The following CWC27 variants were observed in gnomAD, a reference collection of about 807,000 sequenced individuals.
CWC27 encodes the protein spliceosome-associated protein CWC27 homolog.
Under a neutral mutation model 63.6 loss-of-function variants are expected in CWC27, and 47 were observed. That is an observed-to-expected ratio of 0.74 (90% confidence interval 0.58 to 0.94). CWC27 has a LOEUF of 0.94. Among genes scored for constraint, CWC27 ranks in the 40% least tolerant of loss-of-function variants. The probability of loss-of-function intolerance (pLI) is 0.00; values close to 1 mark genes in which losing one functional copy is unlikely to be tolerated. For synonymous variants in CWC27, 175 were observed against 179.8 expected, an observed-to-expected ratio of 0.97 and a Z score of 0.22; for missense variants, 495 against 554.3, an observed-to-expected ratio of 0.89 and a Z score of 1.07.
chr5:64,907,996 C>A (rs1747694904), intron 11 of CWC27, among the ~76,000 whole-genome samples: 1 of 152,176 alleles, frequency 6.6e-6, no homozygotes, highest in African/African-American at 2.4e-5. Context: ...GATTTTAGAT[C>A]TTTCCTGCTT....
chr5:64,794,264 G>T (rs1744179946), intron 7 of CWC27, among the ~76,000 whole-genome samples: 1 of 152,092 alleles, frequency 6.6e-6, no homozygotes, highest in African/African-American at 2.4e-5. Flanking sequence ...AATGTGATCT[G>T]GGAGATAGTA....
chr5:64,919,959 G>T (rs920086115), intron 11 of CWC27, among the ~76,000 whole-genome samples: 1 of 152,136 alleles, frequency 6.6e-6, no homozygotes, highest in Admixed American at 6.6e-5. Context: ...TTGTAGTTCT[G>T]TTTTAAGTTC....
chr5:64,860,287 A>T (rs1746365556), intron 10 of CWC27, among the ~76,000 whole-genome samples: 1 of 152,244 alleles, frequency 6.6e-6, no homozygotes, highest in Admixed American at 6.5e-5. Context: ...ATTTTTAAAT[A>T]TATTGAAAAC....
intron 11 of CWC27, among the ~76,000 whole-genome samples, chr5:64,924,539 G>A (rs1422857213): frequency 1.3e-5 from 2 of 152,170 alleles, no homozygotes; most frequent in South Asian, 2.1e-4. Flanking sequence ...TCCTTCTAAC[G>A]GCAGTCTTCT....
intron 13 of CWC27, among the ~76,000 whole-genome samples, chr5:65,016,557 A>G (rs1308396134): frequency 5.3e-5 from 8 of 152,158 alleles, no homozygotes; most frequent in Admixed American, 5.2e-4. Flanking sequence ...TCATCCATAT[A>G]TATCATTTCT....
chr5:64,818,802 C>G (rs1745116330), intron 10 of CWC27, among the ~76,000 whole-genome samples: 1 of 152,216 alleles, frequency 6.6e-6, no homozygotes, highest in African/African-American at 2.4e-5. Flanking sequence ...AGTTATTCAA[C>G]AGCCTTATTG....
chr5:64,932,305 T>C (rs2112403500), intron 11 of CWC27, among the ~76,000 whole-genome samples: 2 of 152,218 alleles, frequency 1.3e-5, no homozygotes, highest in East Asian at 3.9e-4. Context: ...GATATTGCCA[T>C]TTTGTTTTCC....
intron 10 of CWC27, among the ~76,000 whole-genome samples, chr5:64,843,907 C>T (rs1745909419): frequency 1.3e-5 from 2 of 152,124 alleles, no homozygotes; most frequent in African/African-American, 2.4e-5. Flanking sequence ...CCATGCCCTG[C>T]CTCCCACTGC....
At chr5:64,866,472 G>A (rs1430109463) in intron 10 of CWC27, among the ~76,000 whole-genome samples, 1 of 152,042 alleles carries the variant, frequency 6.6e-6, no homozygotes, top group African/African-American at 2.4e-5. Context: ...TACTTCTCTA[G>A]TTTTTTAGGG....
chr5:64,884,637 A>C (rs555350763), intron 10 of CWC27, among the ~76,000 whole-genome samples: 10 of 152,314 alleles, frequency 6.6e-5, no homozygotes, highest in African/African-American at 2.4e-4. Context: ...TGTTGAAAAT[A>C]CCGTGGGTAC....
chr5:64,801,522 CGTGT>C (rs146096540), intron 9 of CWC27, among the ~76,000 whole-genome samples, 190 bp downstream of exon 9: 2 of 150,714 alleles, frequency 1.3e-5, no homozygotes, highest in African/African-American at 4.9e-5. Flanking sequence ...TAGGGGTGTG[CGTGT>C]GTGTGTGTGT....
chr5:64,822,902 A>G (rs1161684552), intron 10 of CWC27, among the ~76,000 whole-genome samples: 1 of 152,194 alleles, frequency 6.6e-6, no homozygotes, highest in Non-Finnish European at 1.5e-5. Context: ...TAAATGAGGT[A>G]ATGGTTTAGT....
chr5:64,988,280 C>T (rs144078348), intron 13 of CWC27, among the ~76,000 whole-genome samples: 29 of 152,260 alleles, frequency 1.9e-4, no homozygotes, highest in Admixed American at 3.9e-4. Flanking sequence ...AATTCCAGTG[C>T]CTGTTATCTC....
chr5:64,805,157 T>A (rs950882048), intron 10 of CWC27, among the ~76,000 whole-genome samples: 7 of 151,936 alleles, frequency 4.6e-5, no homozygotes, highest in Non-Finnish European at 1.0e-4. Context: ...GTAGAAAAAC[T>A]TAAAAAGGAT....
chr5:64,827,195 T>C (rs1195602974), intron 10 of CWC27, among the ~76,000 whole-genome samples: 3 of 152,276 alleles, frequency 2.0e-5, no homozygotes, highest in East Asian at 3.9e-4. Context: ...TGTAAACTTC[T>C]CTAATGAGTA....
chr5:64,844,826 T>G, intron 10 of CWC27: 1 of 447,806 alleles, frequency 2.2e-6, no homozygotes, highest in Non-Finnish European at 4.5e-6. Flanking sequence ...CACTCAACTC[T>G]GCCACAAAGC....
chr5:64,862,158 G>T (rs1355947836), intron 10 of CWC27, among the ~76,000 whole-genome samples: 1 of 150,944 alleles, frequency 6.6e-6, no homozygotes, highest in Non-Finnish European at 1.5e-5. Context: ...CCCACGGAAT[G>T]TACGGGAAGG....
In CWC27 at chr5:64,786,645, A is replaced by G. The variant is rs767530444; in HGVS notation, c.599+18A>G. 1 of 1,408,390 alleles carries G rather than the reference A, an allele frequency of 7.1e-7. No individual in the cohort carries two copies. Among genetic ancestry groups the G allele is most frequent in the South Asian group, 1.3e-5 (1 of 76,240 alleles). 87.2% of individuals were successfully genotyped at this position (1,408,390 alleles called of 1,614,324 possible). A position where few individuals can be genotyped will look rare whatever the true frequency, so the allele number is the denominator to read the frequency against. ...GGCACAAAGTAATCATAGTGGAGAG[A>G]TTTTTCTTCAGCTTGAAAAATGACA... is the stretch of plus-strand genomic sequence containing the variant. On this transcript the variant is annotated intron_variant, in intron 6 of 13. Transcript: ENST00000381070.
intron 10 of CWC27, among the ~76,000 whole-genome samples, chr5:64,850,412 T>C (rs192786447): frequency 6.6e-6 from 1 of 152,218 alleles, no homozygotes; most frequent in East Asian, 1.9e-4. Context: ...TGGGCCCATA[T>C]ACAAAAATCA....
Sources: allele counts gnomAD v4.1 joint callset (sites outside exome capture counted in the v4.1 genomes callset), GRCh38; gene constraint gnomAD v4.1.1; transcripts MANE v1.5; gene names NCBI Gene and HGNC (gene_info 2026-07-23, HGNC 2026-07-21).